Variants in TAFA2 observed in about 807,000 individuals in gnomAD.
TAFA2 encodes the protein chemokine-like protein TAFA-2.
In TAFA2, 7 loss-of-function variants were observed where a neutral mutation model predicts 18.8. The ratio of observed to expected loss-of-function variants is 0.37; its 90% CI spans 0.21 to 0.70. The LOEUF is 0.70. Ranked by LOEUF, TAFA2 falls within the 30% of genes least tolerant of loss-of-function variation. The pLI, the probability that TAFA2 is intolerant of heterozygous loss-of-function variation, is 0.53. For missense variants in TAFA2, 122 were observed against 158.1 expected (o/e 0.77, Z 1.23); for synonymous variants, 60 against 54.2 (o/e 1.11, Z -0.47).
At chr12:62,226,905 T>C (rs1169794195) in intron 1 of TAFA2, among the ~76,000 whole-genome samples, 2 of 152,320 alleles carry the variant, frequency 1.3e-5, no homozygotes, top group Admixed American at 6.5e-5. Context: ...GCCTGGCATA[T>C]TGCAGCAGCT....
intron 1 of TAFA2, among the ~76,000 whole-genome samples, chr12:61,873,172 A>G (rs1034063819): frequency 2.0e-5 from 3 of 152,184 alleles, no homozygotes; most frequent in Non-Finnish European, 4.4e-5. Flanking sequence ...ACAACTAGAA[A>G]TGGAGATGTG....
chr12:61,977,159 T>A (rs1013106942), intron 1 of TAFA2, among the ~76,000 whole-genome samples: 1 of 152,036 alleles, frequency 6.6e-6, no homozygotes, highest in African/African-American at 2.4e-5. Flanking sequence ...GAATTTGCAT[T>A]ATAAACTACA....
chr12:61,914,428 A>C (rs1302120144), intron 1 of TAFA2, among the ~76,000 whole-genome samples: 1 of 152,162 alleles, frequency 6.6e-6, no homozygotes, highest in Non-Finnish European at 1.5e-5. Context: ...AGTTCAGGCA[A>C]TCACCTTGAA....
chr12:61,782,854 T>C (rs1052717491), intron 2 of TAFA2, among the ~76,000 whole-genome samples: 1 of 151,766 alleles, frequency 6.6e-6, no homozygotes, highest in Non-Finnish European at 1.5e-5. Flanking sequence ...GTGAAGCAGA[T>C]ATAATTATTT....
chr12:61,839,044 C>G (rs17125407), intron 2 of TAFA2, among the ~76,000 whole-genome samples: 44,068 of 151,826 alleles, frequency 0.29, 6,994 homozygotes, highest in South Asian at 0.4. Context: ...AGTGCGCAAA[C>G]GGTGGAGTAT....
At chr12:61,965,737 A>T (rs1879045044) in intron 1 of TAFA2, among the ~76,000 whole-genome samples, 1 of 151,954 alleles carries the variant, frequency 6.6e-6, no homozygotes, top group Non-Finnish European at 1.5e-5. Context: ...CTACTTGACT[A>T]GTCATAAATG....
At chr12:61,724,939 G>A (rs1441990287) in intron 4 of TAFA2, among the ~76,000 whole-genome samples, 1 of 151,038 alleles carries the variant, frequency 6.6e-6, no homozygotes, top group Non-Finnish European at 1.5e-5. Flanking sequence ...CCCCCCAGCA[G>A]TGTAAGTGTT....
At chr12:62,113,914 T>C (rs1026484027) in intron 1 of TAFA2, among the ~76,000 whole-genome samples, 4 of 152,228 alleles carry the variant, frequency 2.6e-5, no homozygotes, top group African/African-American at 9.6e-5. Flanking sequence ...CCAATGGATC[T>C]GAGCTTGCTG....
At chr12:62,164,668 C>G (rs2062427489) in intron 1 of TAFA2, among the ~76,000 whole-genome samples, 2 of 152,036 alleles carry the variant, frequency 1.3e-5, no homozygotes, top group Non-Finnish European at 2.9e-5. Context: ...TTCTAAAAGT[C>G]CACCCAGCAA....
In TAFA2 at chr12:62,229,261, A is replaced by G. The variant is rs2062801523; in HGVS notation, c.-130+29502T>C. On this transcript the variant is annotated intron_variant, in intron 1 of 5. Transcript: ENST00000551619. ...TCCAGTACTAGTACTACATTGAATA[A>G]AAGAGGTAAAAGTAGGCCTTTTTGT... is the stretch of plus-strand genomic sequence containing the variant. Among the ~76,000 whole-genome samples the G allele has an allele frequency of 2.0e-5, 3 of 152,124 alleles. No homozygotes were observed. In the South Asian group the frequency reaches 6.2e-4, roughly 32 times the overall value.
chr12:62,251,644 TG>T (rs2062914322), intron 1 of TAFA2, among the ~76,000 whole-genome samples: 1 of 152,156 alleles, frequency 6.6e-6, no homozygotes, highest in Non-Finnish European at 1.5e-5. Context: ...AGAAAGAAAG[TG>T]GGCTGTAATT....
At chr12:61,873,037 A>C (rs373367035) in intron 1 of TAFA2, among the ~76,000 whole-genome samples, 1 of 152,232 alleles carries the variant, frequency 6.6e-6, no homozygotes, top group Non-Finnish European at 1.5e-5. Context: ...CTGCTCTAGC[A>C]CATAGAACAT....
At chr12:61,966,861 T>G (rs1250228882) in intron 1 of TAFA2, among the ~76,000 whole-genome samples, 1 of 151,884 alleles carries the variant, frequency 6.6e-6, no homozygotes, top group Non-Finnish European at 1.5e-5. Context: ...TTTACAACAT[T>G]GTGGGAGATT....
At chr12:61,726,862 G>C (rs960723219) in intron 4 of TAFA2, among the ~76,000 whole-genome samples, 4 of 152,038 alleles carry the variant, frequency 2.6e-5, no homozygotes, top group Non-Finnish European at 5.9e-5. Flanking sequence ...TTGGCTGTGG[G>C]TTTGTCATGA....
chr12:61,818,360 C>T (rs1872173289), intron 2 of TAFA2, among the ~76,000 whole-genome samples: 1 of 152,030 alleles, frequency 6.6e-6, no homozygotes, highest in Non-Finnish European at 1.5e-5. Context: ...AACATAACTT[C>T]TCAGGTCCTC....
At chr12:61,979,954 T>C (rs956635798) in intron 1 of TAFA2, among the ~76,000 whole-genome samples, 7 of 152,210 alleles carry the variant, frequency 4.6e-5, no homozygotes, top group East Asian at 1.9e-4. Flanking sequence ...AGGCAAGATT[T>C]ACCAGTGCTG....
intron 1 of TAFA2, among the ~76,000 whole-genome samples, chr12:62,179,673 C>G (rs1173788114): frequency 2.0e-5 from 3 of 152,118 alleles, no homozygotes; most frequent in Non-Finnish European, 4.4e-5. Context: ...CTTTGTTCCC[C>G]AAGAATTTCA....
intron 1 of TAFA2, among the ~76,000 whole-genome samples, chr12:61,891,653 A>C (rs1168618978): frequency 1.3e-5 from 2 of 152,174 alleles, no homozygotes; most frequent in Admixed American, 1.3e-4. Context: ...CTGTCAAAAA[A>C]AGAAAAGAAA....
rs1565751048 is a variant in TAFA2, at chr12:61,724,797, G to GATGGGTGTATA, written c.385-14381_385-14380insTATACACCCAT. 4.3e-3 allele frequency among the ~76,000 whole-genome samples: 495 copies of GATGGGTGTATA among 114,018 alleles called. 1 individual carries two copies. Among genetic ancestry groups the GATGGGTGTATA allele is most frequent in the African/African-American group, 0.017 (469 of 26,866 alleles). 74.8% of individuals were successfully genotyped at this position (114,018 alleles called of 152,430 possible). ...TGTGTGTGTGTGTGTGTGTGTGTGT[G>GATGGGTGTATA]TGTGTATACACCAGATGGGTGTATA... On this transcript the variant is annotated intron_variant, in intron 4 of 4. Transcript: ENST00000416284.
Sources: gnomAD v4.1 joint callset for allele counts (sites outside exome capture counted in the v4.1 genomes callset) on GRCh38, gnomAD v4.1.1 for gene constraint, MANE v1.5 for transcripts, NCBI Gene and HGNC (gene_info 2026-07-23, HGNC 2026-07-21) for gene names.